Variants in PTPRN2 observed in about 807,000 individuals in gnomAD.
PTPRN2 encodes the protein receptor-type tyrosine-protein phosphatase N2.
In PTPRN2, 74 loss-of-function variants were observed where a neutral mutation model predicts 118.8. The ratio of observed to expected loss-of-function variants is 0.62; its 90% CI spans 0.52 to 0.76. PTPRN2 has a LOEUF of 0.76. Ranked by LOEUF, PTPRN2 falls within the 30% of genes least tolerant of loss-of-function variation. PTPRN2 has a pLI of 0.00. For synonymous variants in PTPRN2, 641 were observed against 608.0 expected (o/e 1.05, Z -0.80); for missense variants, 1,481 against 1,394.4 (o/e 1.06, Z -0.99).
rs527416968 is a variant in PTPRN2 at position 158,531,709 on chromosome 7, A to C, written c.113-41924T>G. ...ACCACTGGACCATCACCTTTAGAGAAAAAGGTTAAGAAATCTGTATCACAT... is the reference window on the plus strand; with the variant it reads ...ACCACTGGACCATCACCTTTAGAGACAAAGGTTAAGAAATCTGTATCACAT... On this transcript the variant is annotated intron_variant, in intron 1 of 22. Transcript: ENST00000389418. Among the ~76,000 whole-genome samples, 19 of 152,356 alleles carry C rather than the reference A, an allele frequency of 1.2e-4. No individual in the cohort carries two copies. In the South Asian group the frequency reaches 2.3e-3, roughly 18 times the overall value.
chr7:158,273,788 C>CA (rs1335266240), intron 3 of PTPRN2, among the ~76,000 whole-genome samples: 3 of 84,474 alleles, frequency 3.6e-5, no homozygotes, highest in East Asian at 4.1e-4. Context: ...GCCGCAGACA[C>CA]GGGGAGCCGC....
Position 158,379,115 on chromosome 7 carries a change from A to T in PTPRN2, c.164-62183T>A, listed in dbSNP as rs539682094. ...GCCAGGCCTGGCCCTGTGTGCATGG[A>T]AGGGGTGGGAGAGCCCCCAGAGTGG... On this transcript the variant is annotated intron_variant, in intron 2 of 22. Transcript: ENST00000389418. Among the ~76,000 whole-genome samples the T allele has an allele frequency of 8.7e-3, 1,318 of 152,046 alleles. 15 individuals carry two copies. Among genetic ancestry groups the T allele is most frequent in the Non-Finnish European group, 0.015 (987 of 67,952 alleles).
chr7:158,026,004 C>T (rs957161188), intron 11 of PTPRN2, among the ~76,000 whole-genome samples: 10 of 152,242 alleles, frequency 6.6e-5, no homozygotes, highest in African/African-American at 1.9e-4. Context: ...GAAGGGGCAG[C>T]GGCTTCCCTA....
rs548579881 is a variant in PTPRN2, at chr7:158,495,832, C to G, written c.113-6047G>C. ...CCCCAGACCCTCATCTCAGGCAGCC[C>G]TGCGGTCAGGGCATCTGGCTTCTGT... On this transcript the variant is annotated intron_variant, in intron 1 of 22. Transcript: ENST00000389418. Among the ~76,000 whole-genome samples, 19 of 152,160 alleles carry G rather than the reference C, an allele frequency of 1.2e-4. 1 individual carries two copies. The highest frequency in any genetic ancestry group is 1.2e-3 in the Admixed American group (18 of 15,288).
Position 157,877,459 on chromosome 7 carries a change from G to A in PTPRN2, c.1788+21214C>T, listed in dbSNP as rs557249719. ...GTGCCATGGTCAGGGTTTCCTTGGG[G>A]ACCCCAGATCTGAGTGCAGCGCCAG... is the stretch of plus-strand genomic sequence containing the variant. On this transcript the variant is annotated intron_variant, in intron 12 of 22. Transcript: ENST00000389418. Among the ~76,000 whole-genome samples the A allele has an allele frequency of 5.3e-4, 79 of 150,234 alleles. 1 individual carries two copies. The highest frequency in any genetic ancestry group is 1.3e-3 in the Admixed American group (19 of 15,124).
chr7:158,257,736 C>G (rs1797123738), intron 3 of PTPRN2, among the ~76,000 whole-genome samples: 1 of 152,240 alleles, frequency 6.6e-6, no homozygotes, highest in Non-Finnish European at 1.5e-5. Flanking sequence ...GTGACTGCCC[C>G]CGCCCAGCCC....
chr7:157,938,062 A>G (rs1231129251), intron 11 of PTPRN2, among the ~76,000 whole-genome samples: 3 of 152,218 alleles, frequency 2.0e-5, no homozygotes, highest in Non-Finnish European at 4.4e-5. Flanking sequence ...TTTCTGCACA[A>G]TGTGAACCCC....
chr7:158,536,422 C>A (rs1825647538), intron 1 of PTPRN2, among the ~76,000 whole-genome samples: 1 of 151,658 alleles, frequency 6.6e-6, no homozygotes, highest in African/African-American at 2.4e-5. Context: ...CCACTATAAC[C>A]CAGATGGGAC....
chr7:158,214,817 T>C (rs1217665429), intron 3 of PTPRN2, among the ~76,000 whole-genome samples: 2 of 152,062 alleles, frequency 1.3e-5, no homozygotes, highest in Non-Finnish European at 2.9e-5. Flanking sequence ...CTGGGGAATC[T>C]AGACTTCCAT....
chr7:158,363,352 C>T (rs890431221), intron 2 of PTPRN2, among the ~76,000 whole-genome samples: 2 of 152,088 alleles, frequency 1.3e-5, no homozygotes, highest in East Asian at 1.9e-4. Context: ...TTGGGGAGGC[C>T]GCCTCCTCCA....
intron 6 of PTPRN2, among the ~76,000 whole-genome samples, chr7:158,151,701 C>G (rs1007314524): frequency 1.1e-4 from 17 of 152,090 alleles, no homozygotes; most frequent in Non-Finnish European, 1.6e-4. Context: ...TTCCTTCTCC[C>G]CAATCTTCCT....
intron 5 of PTPRN2, among the ~76,000 whole-genome samples, chr7:158,169,446 G>A (rs1379495131): frequency 6.7e-6 from 1 of 150,272 alleles, no homozygotes; most frequent in Non-Finnish European, 1.5e-5. Context: ...GTGTGTGTGT[G>A]TGTGTGTGTG....
intron 1 of PTPRN2, among the ~76,000 whole-genome samples, chr7:158,531,032 G>A (rs1387853680): frequency 6.6e-6 from 1 of 152,144 alleles, no homozygotes; most frequent in African/African-American, 2.4e-5. Flanking sequence ...GGGTGTGTGT[G>A]TGAACATGTG....
intron 12 of PTPRN2, among the ~76,000 whole-genome samples, chr7:157,714,417 C>A (rs1023764342): frequency 1.3e-5 from 2 of 152,156 alleles, no homozygotes; most frequent in African/African-American, 4.8e-5. Flanking sequence ...CAGTCTTTCC[C>A]GGCAGCTCTG....
intron 21 of PTPRN2, among the ~76,000 whole-genome samples, chr7:157,565,010 G>A (rs550999647): frequency 6.6e-6 from 1 of 152,364 alleles, no homozygotes; most frequent in African/African-American, 2.4e-5. Context: ...CCACGACACA[G>A]GCCAACCTCG....
intron 21 of PTPRN2, among the ~76,000 whole-genome samples, chr7:157,554,957 A>G (rs570923339): frequency 1.3e-5 from 2 of 150,796 alleles, no homozygotes; most frequent in Non-Finnish European, 3.0e-5. Context: ...CTTGCTCAGC[A>G]CCCCAGTGTG....
chr7:158,447,855 G>A (rs1231430429), intron 2 of PTPRN2, among the ~76,000 whole-genome samples: 1 of 152,234 alleles, frequency 6.6e-6, no homozygotes, highest in East Asian at 1.9e-4. Flanking sequence ...ATCCACAAAG[G>A]GGCCTCAGAG....
At chr7:158,025,644 T>C (rs890029050) in intron 11 of PTPRN2, among the ~76,000 whole-genome samples, 11 of 152,248 alleles carry the variant, frequency 7.2e-5, no homozygotes, top group African/African-American at 2.7e-4. Flanking sequence ...GTATTTGTAT[T>C]TCCCTGCTCA....
At chr7:157,642,859 G>A (rs2150699286) in intron 14 of PTPRN2, among the ~76,000 whole-genome samples, 1 of 98,654 alleles carries the variant, frequency 1.0e-5, no homozygotes, top group East Asian at 3.1e-4. Context: ...CTAAAACGCA[G>A]GGCTGCGGGA....
Sources: gnomAD v4.1 joint callset for allele counts (sites outside exome capture counted in the v4.1 genomes callset) on GRCh38, gnomAD v4.1.1 for gene constraint, MANE v1.5 for transcripts, NCBI Gene and HGNC (gene_info 2026-07-23, HGNC 2026-07-21) for gene names.